KDM3A: variants seen among roughly 807,000 people sequenced by gnomAD.
KDM3A encodes lysine demethylase 3A, also known as lysine-specific demethylase 3A.
Under a neutral mutation model 158.0 loss-of-function variants are expected in KDM3A, and 60 were observed. The ratio of observed to expected loss-of-function variants is 0.38; its 90% CI spans 0.31 to 0.47. The LOEUF is 0.47. Ranked by LOEUF, KDM3A falls within the 20% of genes least tolerant of loss-of-function variation. KDM3A has a pLI of 0.99. For synonymous variants in KDM3A, 608 were observed against 549.3 expected, an observed-to-expected ratio of 1.11 and a Z score of -1.49; for missense variants, 1,319 against 1,574.3, an observed-to-expected ratio of 0.84 and a Z score of 2.74.
intron 4 of KDM3A, among the ~76,000 whole-genome samples, chr2:86,452,441 T>G (rs1302322957): frequency 1.3e-5 from 2 of 152,130 alleles, no homozygotes; most frequent in East Asian, 3.8e-4. Context: ...GACCAGAGGC[T>G]TGAAGGAACC....
intron 3 of KDM3A, 96 bp from the exon 4 acceptor site, chr2:86,451,007 T>C (rs1483267152): frequency 1.4e-6 from 1 of 708,256 alleles, no homozygotes; most frequent in Non-Finnish European, 2.3e-6. Context: ...AATTAGTGGC[T>C]TTATCACTTT....
intron 11 of KDM3A, among the ~76,000 whole-genome samples, chr2:86,472,865 T>G (rs1369219363): frequency 2.0e-5 from 3 of 152,338 alleles, no homozygotes; most frequent in South Asian, 4.1e-4. Flanking sequence ...ATTGCCACCC[T>G]GTTCACCTCT....
At chr2:86,476,071 G>T (rs1673646758) in intron 12 of KDM3A, among the ~76,000 whole-genome samples, 1 of 152,156 alleles carries the variant, frequency 6.6e-6, no homozygotes, top group African/African-American at 2.4e-5. Flanking sequence ...TCTAAGTCAA[G>T]AGTCTTATTA....
upstream of KDM3A, chr2:86,440,628 T>G (rs1252088209): frequency 1.3e-5 from 2 of 152,244 alleles, no homozygotes; most frequent in African/African-American, 4.8e-5. Context: ...TCTCTTTTGC[T>G]CTAAATTTAA....
chr2:86,483,975 CT>C lies in KDM3A; in HGVS notation c.2923-11del. The C allele has an allele frequency of 1.2e-6, 2 of 1,603,206 alleles. No homozygotes were observed. Reference sequence around the variant, plus strand: ...CAGAGTTCAGACTAAAGTTTTCCTTCTCTTCATTTAGCCAGTGATGGTGTCT... The same window carrying C: ...CAGAGTTCAGACTAAAGTTTTCCTTCCTTCATTTAGCCAGTGATGGTGTCT... On this transcript the variant is annotated splice_polypyrimidine_tract_variant and intron_variant, in intron 18 of 25. Coordinates refer to ENST00000312912, the MANE Select transcript of KDM3A (RefSeq NM_018433.6).
chr2:86,489,461 G>A, intron 22 of KDM3A, 24 bp downstream of exon 22: 1 of 1,612,716 alleles, frequency 6.2e-7, no homozygotes, highest in Non-Finnish European at 8.5e-7. Context: ...CATAAAAGGA[G>A]GGCTTACTCT....
At chr2:86,484,915 T>A (rs1573208290) in intron 19 of KDM3A, 27 bp from the exon 20 acceptor site, 1 of 1,377,546 alleles carries the variant, frequency 7.3e-7, no homozygotes, top group African/African-American at 1.4e-5. Flanking sequence ...TTATAAATAG[T>A]AATAGTTCAT....
chr2:86,474,833 G>A lies in KDM3A; in HGVS notation c.1782G>A (p.Lys594=), dbSNP rs748876550. The change falls in exon 12 of 26, where the codon AAG becomes AAA. Residue 594 remains lysine, a synonymous_variant. Transcript: ENST00000312912. ...LRVEGFLTPN[K]YDNEAIGLWL... ...TAGAAGGCTTCTTAACACCAAACAAGTATGACAATGAAGCAATTGGCTTGT... is the reference window on the plus strand; with the variant it reads ...TAGAAGGCTTCTTAACACCAAACAAATATGACAATGAAGCAATTGGCTTGT... The A allele has an allele frequency of 6.2e-7, 1 of 1,609,014 alleles. No individual in the cohort carries two copies. The highest frequency in any genetic ancestry group is 8.5e-7 in the Non-Finnish European group (1 of 1,177,012).
chr2:86,475,885 A>G (rs980671098), intron 12 of KDM3A, among the ~76,000 whole-genome samples: 6 of 152,232 alleles, frequency 3.9e-5, no homozygotes, highest in Non-Finnish European at 7.3e-5. Flanking sequence ...ACCTAGCTTA[A>G]GCACAAAAAT....
intron 7 of KDM3A, 46 bp downstream of exon 7, chr2:86,456,923 C>T (rs369512488): frequency 2.7e-5 from 42 of 1,565,456 alleles, no homozygotes; most frequent in African/African-American, 2.4e-4. Context: ...TCCTTTCCTC[C>T]GTTCTTCTCA....
chr2:86,488,998 T>C (rs1016306302), intron 21 of KDM3A: 3 of 261,258 alleles, frequency 1.1e-5, no homozygotes, highest in African/African-American at 6.8e-5. Context: ...GGGCTTTGTC[T>C]CTTGCCCCAG....
chr2:86,449,914 A>C lies in KDM3A; in HGVS notation c.294A>C (p.Glu98Asp). The C allele has an allele frequency of 6.2e-7, 1 of 1,613,916 alleles. No individual in the cohort carries two copies. The highest frequency in any genetic ancestry group is 1.1e-5 in the South Asian group (1 of 91,070). ...TAGAACATAATTTGGTTTTAGCTGA[A>C]CGAAAGTCACCTGAAATTTCTGAAC... ...FLVEHNLVLA[E>D]RKSPEISERI... The change falls in exon 3 of 26, where the codon GAA becomes GAC. Residue 98 changes from glutamate to aspartate, a missense_variant. This residue lies in a region of KDM3A where 652 missense variants were observed against 627.2 expected (regional missense o/e 1.04). Transcript: ENST00000312912.
intron 7 of KDM3A, 31 bp downstream of exon 7, chr2:86,456,908 C>T: frequency 6.3e-7 from 1 of 1,578,168 alleles, no homozygotes. Flanking sequence ...CTTTCTTCTC[C>T]TTCCTCCTTT....
In KDM3A at chr2:86,442,208, C is replaced by G. The variant is rs1175646611; in HGVS notation, c.161C>G (p.Thr54Ser). 6.2e-7 allele frequency: 1 copy of G among 1,611,358 alleles called. No individual in the cohort carries two copies. The highest frequency in any genetic ancestry group is 1.7e-5 in the Admixed American group (1 of 59,758). The change falls in exon 2 of 26, where the codon ACC (threonine) becomes AGC (serine). Residue 54 changes from threonine (T) to serine (S), a missense_variant. Physicochemically the swap from Thr to Ser is moderately conservative, Grantham distance 58 (BLOSUM62 1). Coordinates refer to ENST00000312912, the MANE Select transcript of KDM3A (RefSeq NM_018433.6). The stretch of plus-strand genomic sequence containing the variant: ...GGGACCATTCGAGCTGTTTCCCACA[C>G]CGACGTTACCAAGAAGGATCTGAAG... ...LSGTIRAVSH[T>S]DVTKKDLKVC...
At chr2:86,466,913 G>A (rs752861491) in intron 10 of KDM3A, 30 bp downstream of exon 10, 17 of 1,514,896 alleles carry the variant, frequency 1.1e-5, no homozygotes, top group Non-Finnish European at 1.5e-5. Context: ...TTTATTGGTA[G>A]AAGGTAAGAA....
chr2:86,444,739 C>T (rs1307236111), intron 2 of KDM3A, among the ~76,000 whole-genome samples: 1 of 152,104 alleles, frequency 6.6e-6, no homozygotes, highest in Admixed American at 6.6e-5. Context: ...ATTATTAGGA[C>T]AAATACAAGT....
Position 86,480,192 on chromosome 2 carries a change from C to G in KDM3A, c.2342C>G (p.Thr781Ser). 3.7e-6 allele frequency: 6 copies of G among 1,613,104 alleles called. No homozygotes were observed. The highest frequency in any genetic ancestry group is 5.1e-6 in the Non-Finnish European group (6 of 1,179,996). The part of the protein sequence containing the change: ...KQTSLAGEKP[T>S]LGAVLQQNPS... ...ACTTCTTTAGCTGGAGAAAAACCGA[C>G]TCTTGGTGCAGTGCTCCAGCAGAAT... Residue 781 changes from threonine (T) to serine (S), a missense_variant, in exon 16 of 26, where the codon ACT (threonine) becomes AGT (serine). Around this residue, in one of 4 missense-constraint regions of KDM3A, gnomAD observed 368 missense variants for 415.8 expected, o/e 0.89. Coordinates refer to ENST00000312912, the MANE Select transcript of KDM3A (RefSeq NM_018433.6).
At chr2:86,466,952 C>T in intron 10 of KDM3A, 69 bp downstream of exon 10, 2 of 1,244,938 alleles carry the variant, frequency 1.6e-6, no homozygotes, top group East Asian at 2.4e-5. Context: ...TCTTTCTTGT[C>T]CTATGAGAAA....
At chr2:86,464,948 A>G (rs1245375327) in intron 9 of KDM3A, among the ~76,000 whole-genome samples, 1 of 152,178 alleles carries the variant, frequency 6.6e-6, no homozygotes, top group Admixed American at 6.5e-5. Flanking sequence ...AGTCTGGGAT[A>G]GAGCTTGGAG....
Sources: allele counts gnomAD v4.1 joint callset (sites outside exome capture counted in the v4.1 genomes callset), GRCh38; gene constraint gnomAD v4.1.1; regional missense constraint gnomAD v4.1.1; transcripts MANE v1.5; gene names NCBI Gene and HGNC (gene_info 2026-07-23, HGNC 2026-07-21).